TREH: variants seen among roughly 807,000 people sequenced by gnomAD.
TREH encodes alpha,alpha-trehalose glucohydrolase.
In TREH, 69 loss-of-function variants were observed where a neutral mutation model predicts 80.5. The ratio of observed to expected loss-of-function variants is 0.86; its 90% CI spans 0.71 to 1.05. The LOEUF (loss-of-function observed/expected upper bound fraction) is 1.05. Among genes scored for constraint, TREH ranks in the 50% least tolerant of loss-of-function variants. The pLI is 0.00. For synonymous variants in TREH, 309 were observed against 293.5 expected (o/e 1.05, Z -0.54); for missense variants, 716 against 718.8 (o/e 1.00, Z 0.04).
intron 1 of TREH, among the ~76,000 whole-genome samples, chr11:118,672,467 T>C (rs1486707848): frequency 1.3e-5 from 2 of 151,554 alleles, no homozygotes; most frequent in Admixed American, 6.6e-5. Context: ...CCCAGCACTT[T>C]GGGAGGCTGA....
intron 12 of TREH, among the ~76,000 whole-genome samples, 166 bp from the exon 13 acceptor site, chr11:118,659,183 C>T (rs2137257255): frequency 6.6e-6 from 1 of 152,304 alleles, no homozygotes; most frequent in South Asian, 2.1e-4. Flanking sequence ...GTTTGAAGGG[C>T]GAACAGGACT....
At position 118,659,811 on chromosome 11, in the gene TREH, G is replaced by A; in HGVS notation, c.1256C>T (p.Thr419Ile). ...AGAGAAACACCCGGCCCAGAGTGGA[G>A]TGAGGTTGGATGGGTAAAACTCCCG... ...KNREFYPSNL[T>I]PLWAGCFSDP... is the part of the protein sequence containing the mutation. The change falls in exon 11 of 15, where the codon ACT (threonine) becomes ATT (isoleucine). Residue 419 changes from threonine (T) to isoleucine (I), a missense_variant. Physicochemically the swap from Thr to Ile is moderately conservative, Grantham distance 89. Transcript: ENST00000264029. 2 of 1,580,248 alleles carry A rather than the reference G, an allele frequency of 1.3e-6. No homozygotes were observed. Among genetic ancestry groups the A allele is most frequent in the East Asian group, 4.6e-5 (2 of 43,278 alleles).
At position 118,661,768 on chromosome 11, in the gene TREH, C is replaced by T. The variant is rs782767277; in HGVS notation, c.525-39G>A. 3.1e-6 allele frequency: 5 copies of T among 1,609,094 alleles called. No individual in the cohort carries two copies. In the East Asian group the frequency reaches 1.1e-4, roughly 36 times the overall value. The stretch of plus-strand genomic sequence containing the variant: ...AGCTTAGGCACCACCCTGCTGCCTC[C>T]CTCTGCCCTGCACACCAGCCAGTGG... On this transcript the variant is annotated intron_variant, in intron 5 of 14. Coordinates refer to ENST00000264029, the MANE Select transcript of TREH (RefSeq NM_007180.3). The surrounding 1 kb of genome is among the most constrained non-coding windows in gnomAD (Gnocchi z 4.2).
rs782706283 is a variant in TREH, at chr11:118,661,326, TC to T, written c.735-45del. On this transcript the variant is annotated intron_variant, in intron 7 of 14. Transcript: ENST00000264029. This position sits in a 1 kb window ranked among gnomAD's most constrained non-coding sequence, Gnocchi z 4.2. ...CACCTCAGCCCAGGCGTGCTGCCCA[TC>T]CCCAGCCCTGAGAGGTCTGAGGGAT... is the stretch of plus-strand genomic sequence containing the variant. 1.2e-6 allele frequency: 2 copies of T among 1,613,740 alleles called. No individual in the cohort carries two copies. The highest frequency in any genetic ancestry group is 2.2e-5 in the South Asian group (2 of 91,080).
intron 1 of TREH, 65 bp from the exon 2 acceptor site, chr11:118,663,504 G>T: frequency 7.5e-7 from 1 of 1,335,384 alleles, no homozygotes; most frequent in Non-Finnish European, 1.0e-6. Flanking sequence ...AGAAGAGAAG[G>T]CTAGAGTCTG....
Position 118,661,582 on chromosome 11 carries a change from G to T in TREH, c.617+55C>A. On this transcript the variant is annotated intron_variant, in intron 6 of 14. Coordinates refer to ENST00000264029, the MANE Select transcript of TREH (RefSeq NM_007180.3). This position sits in a 1 kb window ranked among gnomAD's most constrained non-coding sequence, Gnocchi z 4.2. ...ACCAAGGCAATCCAGCTGCATGCCC[G>T]TGGCACACCTGCCTCTCCTCCCCAC... is the stretch of plus-strand genomic sequence containing the variant. 1 of 1,612,962 alleles carries T rather than the reference G, an allele frequency of 6.2e-7. No homozygotes were observed. The highest frequency in any genetic ancestry group is 8.5e-7 in the Non-Finnish European group (1 of 1,179,202).
At chr11:118,667,833 C>T (rs1949392413) in intron 1 of TREH, among the ~76,000 whole-genome samples, 1 of 152,108 alleles carries the variant, frequency 6.6e-6, no homozygotes, top group African/African-American at 2.4e-5. Flanking sequence ...TTTATTAATC[C>T]TATTTTTATC....
At chr11:118,662,334 G>A (rs1349721871) in intron 4 of TREH, among the ~76,000 whole-genome samples, 2 of 152,222 alleles carry the variant, frequency 1.3e-5, no homozygotes, top group African/African-American at 2.4e-5. Context: ...CCCCATTTCC[G>A]CTCTACTCCC....
chr11:118,676,785 G>GAAA (rs1555146912), intron 1 of TREH, among the ~76,000 whole-genome samples: 4 of 145,224 alleles, frequency 2.8e-5, no homozygotes, highest in African/African-American at 1.0e-4. Context: ...AAAAAAGAAA[G>GAAA]AAAAAAACAA....
intron 10 of TREH, 81 bp downstream of exon 10, chr11:118,660,458 A>G (rs1949306773): frequency 2.1e-6 from 3 of 1,420,296 alleles, no homozygotes; most frequent in Non-Finnish European, 2.9e-6. Context: ...CTGTCACACA[A>G]GGGTCCTACT....
chr11:118,661,207 T>G lies in TREH; in HGVS notation c.810A>C (p.Gly270=). The G allele has an allele frequency of 6.2e-7, 1 of 1,613,912 alleles. No homozygotes were observed. The highest frequency in any genetic ancestry group is 8.5e-7 in the Non-Finnish European group (1 of 1,179,858). ...KNRTVSVSLE[G]KNYLLNRYYV... ...AATAGCGATTCAGGAGGTAGTTCTT[T>G]CCCTCCAAGCTCACAGAGACAGTCC... Residue 270 remains glycine, a synonymous_variant, in exon 8 of 15, where the codon GGA becomes GGC. Coordinates refer to ENST00000264029, the MANE Select transcript of TREH (RefSeq NM_007180.3). The surrounding 1 kb of genome is among the most constrained non-coding windows in gnomAD (Gnocchi z 4.2).
In TREH at chr11:118,657,805, CCT is replaced by C; in HGVS notation, c.*482_*483del. On this transcript the variant is annotated 3_prime_UTR_variant, in exon 15 of 15. Transcript: ENST00000264029. ...AGATGATGCAGCAGAGGGGAAGGGC[CCT>C]GTGGTGCCGCCGCCCTTCCTTCAGC... 5 of 161,942 alleles carry C rather than the reference CCT, an allele frequency of 3.1e-5. No homozygotes were observed. The highest frequency in any genetic ancestry group is 1.8e-4 in the South Asian group (1 of 5,636). The allele number at this position is 161,942 out of a possible 1,614,324, so 10.0% of individuals were successfully genotyped here.
rs1451346726 is a variant in TREH at position 118,658,617 on chromosome 11, G to A, written c.1599+63C>T. The A allele has an allele frequency of 2.4e-5, 37 of 1,547,190 alleles. 1 individual carries two copies. Among genetic ancestry groups the A allele is most frequent in the Non-Finnish European group, 6.1e-6 (7 of 1,143,586 alleles). On this transcript the variant is annotated intron_variant, in intron 14 of 14. Coordinates refer to ENST00000264029, the MANE Select transcript of TREH (RefSeq NM_007180.3). ...TGAGCACACTGAGGCCTGGGGCGGG[G>A]GTCATGAGCAGCAGAGTTCAGGAGT...
At chr11:118,658,802 G>T (rs1949262025) in intron 13 of TREH, 69 bp from the exon 14 acceptor site, 1 of 1,611,382 alleles carries the variant, frequency 6.2e-7, no homozygotes, top group African/African-American at 1.3e-5. Flanking sequence ...AACAACCAGA[G>T]CCCCTGGGGA....
chr11:118,662,019 C>G, intron 4 of TREH, 29 bp from the exon 5 acceptor site: 2 of 1,515,858 alleles, frequency 1.3e-6, no homozygotes, highest in Non-Finnish European at 1.8e-6. Flanking sequence ...GCAAGGGGAG[C>G]CTAGAATCCC....
At chr11:118,673,372 A>T (rs118133031) in intron 1 of TREH, among the ~76,000 whole-genome samples, 1 of 152,216 alleles carries the variant, frequency 6.6e-6, no homozygotes. Flanking sequence ...TACCAGCATC[A>T]GTCCACCTTG....
chr11:118,673,238 T>G (rs1444359167), intron 1 of TREH, among the ~76,000 whole-genome samples: 2 of 152,022 alleles, frequency 1.3e-5, no homozygotes, highest in African/African-American at 4.8e-5. Context: ...ATTGGTGGAG[T>G]ATCTTTTGTT....
At chr11:118,669,668 G>C (rs531188553) in intron 1 of TREH, among the ~76,000 whole-genome samples, 25 of 152,262 alleles carry the variant, frequency 1.6e-4, no homozygotes, top group Non-Finnish European at 3.2e-4. Flanking sequence ...CATGGAGATA[G>C]AGAGTAGAAT....
At chr11:118,659,105 A>C in intron 12 of TREH, 88 bp from the exon 13 acceptor site, 1 of 1,374,772 alleles carries the variant, frequency 7.3e-7, no homozygotes, top group Non-Finnish European at 1.0e-6. Context: ...CAAGGAGGGA[A>C]AGAGGCCTGG....
Sources: gnomAD v4.1 joint callset for allele counts (sites outside exome capture counted in the v4.1 genomes callset) on GRCh38, gnomAD v4.1.1 for gene constraint, Gnocchi (gnomAD v3.1) non-coding constraint, MANE v1.5 for transcripts, NCBI Gene and HGNC (gene_info 2026-07-23, HGNC 2026-07-21) for gene names.